Variants in SCN11A observed in about 807,000 individuals in gnomAD.
SCN11A encodes sodium channel protein type 11 subunit alpha.
A neutral mutation model predicts 162.2 loss-of-function variants in SCN11A; 122 were observed. The observed-to-expected ratio is 0.75, with a 90% CI of 0.65 to 0.87. The LOEUF (loss-of-function observed/expected upper bound fraction) is 0.87, where lower values mean the gene tolerates loss of function less well. Among genes scored for constraint, SCN11A ranks in the 40% least tolerant of loss-of-function variants. The probability of loss-of-function intolerance (pLI) is 0.00; values close to 1 mark genes in which losing one functional copy is unlikely to be tolerated. For synonymous variants in SCN11A, 758 were observed against 751.5 expected, an observed-to-expected ratio of 1.01 and a Z score of -0.14; for missense variants, 2,015 against 2,181.6, an observed-to-expected ratio of 0.92 and a Z score of 1.52.
intron 27 of SCN11A, among the ~76,000 whole-genome samples, chr3:38,865,441 T>A (rs1364033842): frequency 6.6e-6 from 1 of 152,132 alleles, no homozygotes; most frequent in African/African-American, 2.4e-5. Flanking sequence ...GGGAACAACT[T>A]TCCCAGCAGA....
chr3:39,013,741 C>G (rs761157020), intron 2 of SCN11A, among the ~76,000 whole-genome samples: 11 of 152,238 alleles, frequency 7.2e-5, no homozygotes, highest in Non-Finnish European at 1.3e-4. Flanking sequence ...CTCTCCCCAA[C>G]AAGGGGAAAC....
intron 4 of SCN11A, among the ~76,000 whole-genome samples, chr3:38,951,185 G>A (rs1187077974): frequency 6.6e-6 from 1 of 152,238 alleles, no homozygotes; most frequent in Non-Finnish European, 1.5e-5. Context: ...GGCTGCACCC[G>A]GCGCTTGCGG....
At chr3:38,875,304 A>G (rs2065190435) in intron 23 of SCN11A, among the ~76,000 whole-genome samples, 1 of 152,122 alleles carries the variant, frequency 6.6e-6, no homozygotes, top group Non-Finnish European at 1.5e-5. Context: ...TATTATGTTT[A>G]TCTCATTAAA....
chr3:38,918,359 C>T (rs1018172084), intron 11 of SCN11A, among the ~76,000 whole-genome samples: 26 of 152,194 alleles, frequency 1.7e-4, no homozygotes, highest in African/African-American at 5.8e-4. Context: ...GAGCAGCAGG[C>T]GAGTGAGCAT....
intron 11 of SCN11A, among the ~76,000 whole-genome samples, chr3:38,918,698 C>A (rs58854983): frequency 0.055 from 8,381 of 152,234 alleles, 768 homozygotes; most frequent in African/African-American, 0.19. Context: ...TGTTGGGAAT[C>A]ATTCTAGAAA....
At chr3:39,045,118 A>G (rs572198220) in intron 1 of SCN11A, among the ~76,000 whole-genome samples, 4 of 152,210 alleles carry the variant, frequency 2.6e-5, no homozygotes, top group Non-Finnish European at 4.4e-5. Context: ...AAACCTGAAC[A>G]AATCAATAAC....
At position 38,847,606 on chromosome 3, in the gene SCN11A, A is replaced by G. The variant is rs1208827787; in HGVS notation, c.4464T>C (p.Phe1488=). 1 of 1,614,206 alleles carries G rather than the reference A, an allele frequency of 6.2e-7. No homozygotes were observed. The highest frequency in any genetic ancestry group is 8.5e-7 in the Non-Finnish European group (1 of 1,180,026). ...RAARGIRTLL[F]ALMMSLPSLF... is the part of the protein sequence containing the mutation. ...GAGAAGGAAGCGACATCATCAGAGC[A>G]AAGAGGAGAGTCCTGATTCCTCGTG... is the stretch of plus-strand genomic sequence containing the variant. The change falls in exon 30 of 30, where the codon TTT becomes TTC. Residue 1488 remains phenylalanine, a synonymous_variant. Coordinates refer to ENST00000302328, the MANE Select transcript of SCN11A (RefSeq NM_001349253.2).
intron 2 of SCN11A, among the ~76,000 whole-genome samples, chr3:39,010,745 A>T (rs943476205): frequency 6.6e-6 from 1 of 152,184 alleles, no homozygotes; most frequent in East Asian, 1.9e-4. Flanking sequence ...TTCATGAGAT[A>T]GCAGCTAAAT....
chr3:38,895,768 A>G (rs1384515152), intron 18 of SCN11A, among the ~76,000 whole-genome samples: 6 of 151,148 alleles, frequency 4.0e-5, no homozygotes, highest in Admixed American at 3.3e-4. Context: ...TCCTTACCAT[A>G]TAAGTGGTCT....
chr3:38,850,197 C>A, intron 29 of SCN11A: 1 of 309,104 alleles, frequency 3.2e-6, no homozygotes, highest in Non-Finnish European at 5.9e-6. Flanking sequence ...ACCACAAAAA[C>A]TTCTGAGTCA....
chr3:39,044,583 G>T (rs774163915), intron 1 of SCN11A, among the ~76,000 whole-genome samples: 2 of 152,008 alleles, frequency 1.3e-5, no homozygotes, highest in Non-Finnish European at 2.9e-5. Flanking sequence ...ATATGTCAAT[G>T]AAGAAATTAA....
chr3:38,884,104 A>C (rs1575243698), intron 21 of SCN11A, among the ~76,000 whole-genome samples: 1 of 152,268 alleles, frequency 6.6e-6, no homozygotes, highest in South Asian at 2.1e-4. Context: ...ATTCATGATG[A>C]TTATAACATT....
At position 38,894,679 on chromosome 3, in the gene SCN11A, G is replaced by A; in HGVS notation, c.2689C>T (p.Leu897Phe). Residue 897 changes from leucine to phenylalanine, a missense_variant, in exon 19 of 30, where the codon CTT (leucine) becomes TTT (phenylalanine). Leu to Phe is a conservative substitution (Grantham distance 22). Transcript: ENST00000302328. ...MKRGSETQEE[L>F]GILTSVPKTL... is the part of the protein sequence containing the mutation. ...TTTGGTACAGAGGTTAGTATACCAA[G>A]CTCCTCCTGGGTCTCTGAGCCCCTT... 6.2e-7 allele frequency: 1 copy of A among 1,614,154 alleles called. No individual in the cohort carries two copies. The highest frequency in any genetic ancestry group is 1.7e-5 in the Admixed American group (1 of 60,026).
chr3:38,895,802 G>A (rs528500217), intron 18 of SCN11A, among the ~76,000 whole-genome samples: 56 of 152,026 alleles, frequency 3.7e-4, no homozygotes, highest in African/African-American at 1.3e-3. Flanking sequence ...AATCTTCCAC[G>A]AATCCTTTCT....
At chr3:39,013,106 G>A (rs1448498016) in intron 2 of SCN11A, among the ~76,000 whole-genome samples, 1 of 152,038 alleles carries the variant, frequency 6.6e-6, no homozygotes, top group Non-Finnish European at 1.5e-5. Flanking sequence ...AGTTTGCACT[G>A]TTCATCAAAG....
At chr3:38,924,265 C>T (rs1401424730) in intron 9 of SCN11A, among the ~76,000 whole-genome samples, 13 of 151,702 alleles carry the variant, frequency 8.6e-5, no homozygotes, top group Admixed American at 2.6e-4. Flanking sequence ...AGTGCAATGG[C>T]ACAATCTTGG....
chr3:38,894,839 A>G lies in SCN11A; in HGVS notation c.2529T>C (p.Phe843=), dbSNP rs764912323. The part of the protein sequence containing the change: ...QLALDRFRRA[F]CFVRHTLEHF... ...GCTCAAGAGTGTGTCTCACAAAACAAAAAGCCCGGCGGAATCGATCCAGTG... is the reference window on the plus strand; with the variant it reads ...GCTCAAGAGTGTGTCTCACAAAACAGAAAGCCCGGCGGAATCGATCCAGTG... Residue 843 remains phenylalanine, a synonymous_variant, in exon 19 of 30, where the codon TTT becomes TTC. Coordinates refer to ENST00000302328, the MANE Select transcript of SCN11A (RefSeq NM_001349253.2). 30 of 1,614,212 alleles carry G rather than the reference A, an allele frequency of 1.9e-5. No individual in the cohort carries two copies. The highest frequency in any genetic ancestry group is 1.6e-4 in the Middle Eastern group (1 of 6,062).
intron 17 of SCN11A, among the ~76,000 whole-genome samples, chr3:38,898,357 GAA>G (rs745489364): frequency 6.6e-6 from 1 of 152,228 alleles, no homozygotes; most frequent in African/African-American, 2.4e-5. Flanking sequence ...ACTGGTTTTT[GAA>G]AGTCTATGGC....
chr3:39,043,749 T>C lies in SCN11A; in HGVS notation c.-404+8112A>G, dbSNP rs138530789. On this transcript the variant is annotated intron_variant, in intron 1 of 29. Transcript: ENST00000302328. The stretch of plus-strand genomic sequence containing the variant: ...TACAAAAAAAATTAGAAAGAATAAA[T>C]AAGACAGTATTTCATAGCACAACAG... Among the ~76,000 whole-genome samples, 824 of 152,072 alleles carry C rather than the reference T, an allele frequency of 5.4e-3. 7 individuals carry two copies. The highest frequency in any genetic ancestry group is 0.015 in the African/African-American group (633 of 41,464).
Sources: gnomAD v4.1 joint callset for allele counts (sites outside exome capture counted in the v4.1 genomes callset) on GRCh38, gnomAD v4.1.1 for gene constraint, MANE v1.5 for transcripts, NCBI Gene and HGNC (gene_info 2026-07-23, HGNC 2026-07-21) for gene names.